Variants in MAGI3 observed in about 807,000 individuals in gnomAD.
MAGI3 encodes membrane-associated guanylate kinase, WW and PDZ domain-containing protein 3.
MAGI3 carries 43 observed loss-of-function variants against 121.8 expected under a neutral mutation model. The ratio of observed to expected loss-of-function variants is 0.35; its 90% CI spans 0.28 to 0.46. The LOEUF is 0.46. MAGI3 is among the 20% of genes least tolerant of loss of function. The probability of loss-of-function intolerance (pLI) is 1.00; values close to 1 mark genes in which losing one functional copy is unlikely to be tolerated. For missense variants in MAGI3, 1,547 were observed against 1,797.3 expected, an observed-to-expected ratio of 0.86 and a Z score of 2.52; for synonymous variants, 553 against 639.3, an observed-to-expected ratio of 0.86 and a Z score of 2.04.
intron 1 of MAGI3, among the ~76,000 whole-genome samples, chr1:113,521,614 G>A (rs1191247391): frequency 6.6e-6 from 1 of 151,640 alleles, no homozygotes; most frequent in Non-Finnish European, 1.5e-5. Flanking sequence ...CACCATGTTA[G>A]CCAGGATGGT....
At chr1:113,664,415 A>G (rs993593957) in intron 16 of MAGI3, among the ~76,000 whole-genome samples, 2 of 152,188 alleles carry the variant, frequency 1.3e-5, no homozygotes. Context: ...TATAATACAC[A>G]TCTTCACATA....
rs114584983 is a variant in MAGI3, at chr1:113,578,096, T to A, written c.434-2446T>A. On this transcript the variant is annotated intron_variant, in intron 2 of 20. Transcript: ENST00000307546. ...ACAGCTCAACTGGAGCTGGAGGGGC[T>A]AAGATGGCCTCATTCATGTGTCTGG... 6.2e-3 allele frequency among the ~76,000 whole-genome samples: 941 copies of A among 152,286 alleles called. 11 individuals are homozygous for A. Among genetic ancestry groups the A allele is most frequent in the African/African-American group, 0.021 (890 of 41,556 alleles).
At chr1:113,419,010 T>A (rs1652598458) in intron 1 of MAGI3, among the ~76,000 whole-genome samples, 1 of 152,276 alleles carries the variant, frequency 6.6e-6, no homozygotes, top group Admixed American at 6.5e-5. Context: ...GATAAAGCTA[T>A]TATATAACTA....
chr1:113,593,168 A>G (rs1648795455), intron 5 of MAGI3, among the ~76,000 whole-genome samples: 1 of 152,246 alleles, frequency 6.6e-6, no homozygotes, highest in Admixed American at 6.5e-5. Flanking sequence ...TCATTTCCTA[A>G]GAGTGGTCAA....
chr1:113,409,717 ACTGT>A (rs1221713908), intron 1 of MAGI3, among the ~76,000 whole-genome samples: 2 of 151,992 alleles, frequency 1.3e-5, no homozygotes, highest in African/African-American at 4.8e-5. Flanking sequence ...CTGTCTCCTG[ACTGT>A]CTAGTCTCAG....
chr1:113,462,766 A>G (rs1405821123), intron 1 of MAGI3, among the ~76,000 whole-genome samples: 1 of 152,202 alleles, frequency 6.6e-6, no homozygotes, highest in Non-Finnish European at 1.5e-5. Context: ...AAACTGAAGG[A>G]GGGTATAGTA....
chr1:113,679,324 G>T (rs1648072893), intron 19 of MAGI3, among the ~76,000 whole-genome samples: 1 of 151,980 alleles, frequency 6.6e-6, no homozygotes, highest in African/African-American at 2.4e-5. Context: ...TCAGTGTTTA[G>T]CTCCCAATTA....
Position 113,453,852 on chromosome 1 carries a change from C to T in MAGI3, c.316+62503C>T, listed in dbSNP as rs182269781. 2.3e-3 allele frequency among the ~76,000 whole-genome samples: 357 copies of T among 152,350 alleles called. 2 individuals carry two copies. The highest frequency in any genetic ancestry group is 8.2e-3 in the African/African-American group (342 of 41,586). On this transcript the variant is annotated intron_variant, in intron 1 of 20. Transcript: ENST00000307546. Reference sequence around the variant, plus strand: ...ACATTAGTATGAGAAGAGAGCAACACGCAATCTGATTTCAGAGCTGGTGCA... The same window carrying T: ...ACATTAGTATGAGAAGAGAGCAACATGCAATCTGATTTCAGAGCTGGTGCA...
intron 6 of MAGI3, among the ~76,000 whole-genome samples, chr1:113,598,372 AAAG>A (rs557485235): frequency 1.8e-3 from 267 of 152,334 alleles, no homozygotes; most frequent in Middle Eastern, 3.4e-3. Context: ...TGCTCACTTG[AAAG>A]AAGAAGATTG....
chr1:113,403,083 T>A (rs1018439170), intron 1 of MAGI3, among the ~76,000 whole-genome samples: 3 of 152,150 alleles, frequency 2.0e-5, no homozygotes, highest in African/African-American at 7.2e-5. Context: ...ATGCAGGGAA[T>A]TAATTGCTTA....
At chr1:113,577,431 C>T (rs565259637) in intron 2 of MAGI3, among the ~76,000 whole-genome samples, 4 of 151,360 alleles carry the variant, frequency 2.6e-5, no homozygotes, top group East Asian at 1.9e-4. Context: ...AAGAACTCTT[C>T]GGAGCAATTT....
intron 1 of MAGI3, among the ~76,000 whole-genome samples, chr1:113,466,433 T>C (rs886991062): frequency 1.3e-5 from 2 of 152,210 alleles, no homozygotes; most frequent in African/African-American, 4.8e-5. Flanking sequence ...TCAGTGATAT[T>C]GGCCTGTAGT....
rs376305582 is a variant in MAGI3, at chr1:113,635,531, C to T, written c.1361-6380C>T. ...CTGTTTATATGCTGGATTACATTTA[C>T]TGATTTGCGTATATTGAACCAGTCT... On this transcript the variant is annotated intron_variant, in intron 9 of 20. Transcript: ENST00000307546. Among the ~76,000 whole-genome samples, 158 of 151,892 alleles carry T rather than the reference C, an allele frequency of 1.0e-3. 1 individual carries two copies. Among genetic ancestry groups the T allele is most frequent in the African/African-American group, 3.7e-3 (154 of 41,244 alleles).
chr1:113,417,527 T>C, intron 1 of MAGI3, among the ~76,000 whole-genome samples: 1 of 152,120 alleles, frequency 6.6e-6, no homozygotes, highest in East Asian at 1.9e-4. Flanking sequence ...TAGCTTAATT[T>C]GAATTTCTTG....
intron 7 of MAGI3, among the ~76,000 whole-genome samples, chr1:113,617,236 A>G (rs946612119): frequency 6.6e-6 from 1 of 152,220 alleles, no homozygotes; most frequent in Non-Finnish European, 1.5e-5. Flanking sequence ...AAATTTTTAA[A>G]TCCAGATATT....
chr1:113,630,108 T>G (rs1462027120), intron 9 of MAGI3, among the ~76,000 whole-genome samples: 2 of 152,116 alleles, frequency 1.3e-5, no homozygotes, highest in African/African-American at 4.8e-5. Context: ...GTCAAAAACC[T>G]TAGAAATTTA....
intron 1 of MAGI3, among the ~76,000 whole-genome samples, chr1:113,525,534 A>G (rs1411627727): frequency 1.3e-5 from 2 of 151,912 alleles, no homozygotes; most frequent in Non-Finnish European, 2.9e-5. Flanking sequence ...AAATGATAGT[A>G]AAAGTAGCCT....
intron 11 of MAGI3, among the ~76,000 whole-genome samples, chr1:113,644,449 T>C (rs1652724499): frequency 6.6e-6 from 1 of 151,908 alleles, no homozygotes; most frequent in African/African-American, 2.4e-5. Flanking sequence ...CCCAGCTAAT[T>C]TTTTTGTATT....
intron 2 of MAGI3, among the ~76,000 whole-genome samples, chr1:113,572,249 G>A (rs1647338304): frequency 6.6e-6 from 1 of 152,182 alleles, no homozygotes; most frequent in African/African-American, 2.4e-5. Context: ...GAAGCCAACT[G>A]GATCGTGGTG....
Sources: allele counts gnomAD v4.1 joint callset (sites outside exome capture counted in the v4.1 genomes callset), GRCh38; gene constraint gnomAD v4.1.1; transcripts MANE v1.5; gene names NCBI Gene and HGNC (gene_info 2026-07-23, HGNC 2026-07-21).